Variants in THSD4 observed in about 807,000 individuals in gnomAD.
THSD4 encodes thrombospondin type 1 domain containing 4.
In THSD4, 69 loss-of-function variants were observed where a neutral mutation model predicts 119.0. The ratio of observed to expected loss-of-function variants is 0.58; its 90% CI spans 0.48 to 0.71. The LOEUF is 0.71. THSD4 is among the 30% of genes least tolerant of loss of function. The probability of loss-of-function intolerance (pLI) is 0.00; values close to 1 mark genes in which losing one functional copy is unlikely to be tolerated. For synonymous variants in THSD4, 524 were observed against 540.4 expected (o/e 0.97, Z 0.42); for missense variants, 1,393 against 1,391.1 (o/e 1.00, Z -0.02).
chr15:71,705,181 G>A (rs1230528813), intron 8 of THSD4, among the ~76,000 whole-genome samples: 6 of 152,212 alleles, frequency 3.9e-5, no homozygotes, highest in African/African-American at 1.4e-4. Flanking sequence ...CAGGGAAGGA[G>A]CAGGGCCAGA....
chr15:71,734,976 G>A (rs1054924236), intron 10 of THSD4, among the ~76,000 whole-genome samples: 1 of 152,032 alleles, frequency 6.6e-6, no homozygotes, highest in Admixed American at 6.6e-5. Context: ...GATGTGCAAG[G>A]AATATTGCAT....
intron 6 of THSD4, among the ~76,000 whole-genome samples, chr15:71,311,232 G>C (rs950430612): frequency 9.2e-5 from 14 of 152,194 alleles, no homozygotes; most frequent in Admixed American, 7.2e-4. Flanking sequence ...ACATAGACCT[G>C]CTGTTTGTTA....
chr15:71,254,339 T>C (rs753764409), intron 5 of THSD4, among the ~76,000 whole-genome samples: 6 of 152,224 alleles, frequency 3.9e-5, no homozygotes, highest in Non-Finnish European at 7.3e-5. Context: ...TTCCCTCATC[T>C]GTAAATGAAA....
intron 1 of THSD4, among the ~76,000 whole-genome samples, chr15:71,108,290 C>G (rs2040282472): frequency 6.6e-6 from 1 of 152,194 alleles, no homozygotes; most frequent in African/African-American, 2.4e-5. Context: ...AGGCTGAGTT[C>G]TGGAAAGCGG....
intron 7 of THSD4, among the ~76,000 whole-genome samples, chr15:71,634,594 G>A (rs4777425): frequency 0.27 from 40,863 of 152,128 alleles, 6,238 homozygotes; most frequent in East Asian, 0.62. Context: ...CATCAGTCAC[G>A]CAGGGAATTT....
At chr15:71,317,049 T>C (rs1426544117) in intron 6 of THSD4, among the ~76,000 whole-genome samples, 2 of 152,218 alleles carry the variant, frequency 1.3e-5, no homozygotes, top group Non-Finnish European at 2.9e-5. Context: ...ATTGCCTAAG[T>C]GTTTGCTTTG....
intron 7 of THSD4, among the ~76,000 whole-genome samples, chr15:71,437,439 G>A (rs2047027283): frequency 6.6e-6 from 1 of 152,206 alleles, no homozygotes; most frequent in Admixed American, 6.5e-5. Context: ...TGCGATATGA[G>A]TTAATGAAAA....
chr15:71,099,027 C>T (rs1287687128), intron 1 of THSD4, among the ~76,000 whole-genome samples: 2 of 152,088 alleles, frequency 1.3e-5, no homozygotes, highest in Non-Finnish European at 2.9e-5. Context: ...TGAGAACTAC[C>T]TTTTCATTTC....
intron 6 of THSD4, among the ~76,000 whole-genome samples, chr15:71,384,576 C>T (rs892544899): frequency 3.9e-5 from 6 of 152,144 alleles, no homozygotes; most frequent in Non-Finnish European, 7.4e-5. Context: ...CAATTAGTTG[C>T]TTCAGTTTTT....
At chr15:71,758,449 C>T (rs533419410) in intron 15 of THSD4, among the ~76,000 whole-genome samples, 1 of 152,182 alleles carries the variant, frequency 6.6e-6, no homozygotes, top group South Asian at 2.1e-4. Flanking sequence ...CAGTGCCTGA[C>T]ACAAAATAAA....
At chr15:71,129,990 G>A (rs987691786) in intron 1 of THSD4, among the ~76,000 whole-genome samples, 4 of 152,240 alleles carry the variant, frequency 2.6e-5, no homozygotes, top group African/African-American at 9.6e-5. Flanking sequence ...ATGCGTGGAG[G>A]CACTGAGAAA....
rs2051752744 is a variant in THSD4 at position 71,680,587 on chromosome 15, C to G, written c.1357+19853C>G. Among the ~76,000 whole-genome samples, 4 of 152,194 alleles carry G rather than the reference C, an allele frequency of 2.6e-5. No homozygotes were observed. In the South Asian group the frequency reaches 8.3e-4, roughly 31 times the overall value. On this transcript the variant is annotated intron_variant, in intron 8 of 17. Coordinates refer to ENST00000261862, the MANE Select transcript of THSD4 (RefSeq NM_024817.3). ...CCTTAACTTACAAAATCGTGCATGG[C>G]TAGGACTCACTTGGAATTTTAAGAA... is the stretch of plus-strand genomic sequence containing the variant.
At chr15:71,420,142 A>C (rs562251436) in intron 7 of THSD4, among the ~76,000 whole-genome samples, 1 of 108,018 alleles carries the variant, frequency 9.3e-6, no homozygotes, top group Non-Finnish European at 2.0e-5. Flanking sequence ...TATTTGCTTT[A>C]TATATCTGGG....
intron 1 of THSD4, among the ~76,000 whole-genome samples, chr15:71,129,246 G>T (rs756480543): frequency 9.9e-5 from 15 of 152,212 alleles, no homozygotes; most frequent in Non-Finnish European, 2.1e-4. Context: ...GAATGAGCGT[G>T]CAGGTCTTGA....
chr15:71,450,236 TG>T (rs1395406628), intron 7 of THSD4, among the ~76,000 whole-genome samples: 1 of 152,216 alleles, frequency 6.6e-6, no homozygotes, highest in Non-Finnish European at 1.5e-5. Flanking sequence ...CTCATTTGAC[TG>T]GCATAGCTGC....
intron 17 of THSD4, 51 bp from the exon 18 acceptor site, chr15:71,777,181 A>T (rs2053928838): frequency 6.2e-7 from 1 of 1,612,580 alleles, no homozygotes; most frequent in Non-Finnish European, 8.5e-7. Context: ...CCACTGGTCC[A>T]GGCTGCCTCT....
At chr15:71,532,283 A>AGAGAGAGAGAGAGAGAGAGAGT (rs1379506089) in intron 7 of THSD4, among the ~76,000 whole-genome samples, 116 of 101,640 alleles carry the variant, frequency 1.1e-3, no homozygotes, top group Admixed American at 1.9e-3. Context: ...AGAGAGAGAG[A>AGAGAGAGAGAGAGAGAGAGAGT]GTGTGTGTGT....
At chr15:71,648,595 A>G (rs996367143) in intron 7 of THSD4, among the ~76,000 whole-genome samples, 10 of 152,196 alleles carry the variant, frequency 6.6e-5, no homozygotes, top group East Asian at 1.9e-4. Flanking sequence ...CTTGATCACC[A>G]TTGTCCCAGA....
rs2048724051 is a variant in THSD4, at chr15:71,539,056, G to A, written c.1153-121474G>A. 2.0e-5 allele frequency among the ~76,000 whole-genome samples: 3 copies of A among 152,216 alleles called. No individual in the cohort carries two copies. In the South Asian group the frequency reaches 6.2e-4, roughly 32 times the overall value. ...GCCAGGCTTTGGCCCCTTTCAGATA[G>A]AAATCAGAGAAGGGTAAGGATGCAG... On this transcript the variant is annotated intron_variant, in intron 7 of 17. Coordinates refer to ENST00000261862, the MANE Select transcript of THSD4 (RefSeq NM_024817.3).
Sources: gnomAD v4.1 joint callset for allele counts (sites outside exome capture counted in the v4.1 genomes callset) on GRCh38, gnomAD v4.1.1 for gene constraint, MANE v1.5 for transcripts, NCBI Gene and HGNC (gene_info 2026-07-23, HGNC 2026-07-21) for gene names.